Variants in ZMIZ1 observed in about 807,000 individuals in gnomAD.
The protein encoded by ZMIZ1 is zinc finger MIZ-type containing 1, also known as zinc finger MIZ domain-containing protein 1.
Under a neutral mutation model 113.9 loss-of-function variants are expected in ZMIZ1, and 17 were observed. The observed-to-expected ratio is 0.15, with a 90% CI of 0.10 to 0.22. The LOEUF (loss-of-function observed/expected upper bound fraction) is 0.22. Ranked by LOEUF, ZMIZ1 falls within the 10% of genes least tolerant of loss-of-function variation. The pLI is 1.00. For synonymous variants in ZMIZ1, 607 were observed against 603.1 expected (o/e 1.01, Z -0.09); for missense variants, 1,059 against 1,477.8 (o/e 0.72, Z 4.65).
At chr10:79,225,055 C>T (rs1849146860) in intron 7 of ZMIZ1, among the ~76,000 whole-genome samples, 1 of 152,132 alleles carries the variant, frequency 6.6e-6, no homozygotes, top group Non-Finnish European at 1.5e-5. Flanking sequence ...GCAAGGTCAG[C>T]TTGAGGTCGG....
intron 1 of ZMIZ1, among the ~76,000 whole-genome samples, chr10:79,072,869 G>C (rs1842337040): frequency 6.6e-6 from 1 of 152,232 alleles, no homozygotes; most frequent in Non-Finnish European, 1.5e-5. Context: ...TGACCTCTTA[G>C]CAGGATATAG....
rs1853544520 is a variant in ZMIZ1, at chr10:79,292,238, C to T, written c.839C>T (p.Ala280Val). ...CCGCCTGCTGACTTCACTCAGCCCGCGGCAGCCGCTGCAGCAGCGGCAGTG... is the reference window on the plus strand; with the variant it reads ...CCGCCTGCTGACTTCACTCAGCCCGTGGCAGCCGCTGCAGCAGCGGCAGTG... ...TRPPADFTQP[A>V]AAAAAAAVAA... Residue 280 changes from alanine to valine, a missense_variant, in exon 11 of 25, where the codon GCG becomes GTG. Ala to Val is a moderately conservative substitution (Grantham distance 64, BLOSUM62 0). This residue lies in a region of ZMIZ1 where 23 missense variants were observed against 73.3 expected (regional missense o/e 0.31). Coordinates refer to ENST00000334512, the MANE Select transcript of ZMIZ1 (RefSeq NM_020338.4). The T allele has an allele frequency of 1.2e-6, 2 of 1,612,146 alleles. No individual in the cohort carries two copies. Among genetic ancestry groups the T allele is most frequent in the Non-Finnish European group, 1.7e-6 (2 of 1,179,652 alleles).
intron 8 of ZMIZ1, 126 bp from the exon 9 acceptor site, chr10:79,289,649 C>A: frequency 1.2e-6 from 1 of 806,462 alleles, no homozygotes; most frequent in Non-Finnish European, 2.0e-6. Flanking sequence ...GGGTCCAGTA[C>A]CGACTCGGAT....
chr10:79,076,637 CAGCCTGGTCAA>C (rs1842484818), intron 1 of ZMIZ1, among the ~76,000 whole-genome samples: 1 of 152,172 alleles, frequency 6.6e-6, no homozygotes, highest in Non-Finnish European at 1.5e-5. Flanking sequence ...AGTTTGACAC[CAGCCTGGTCAA>C]AGTAGTGAAA....
intron 7 of ZMIZ1, among the ~76,000 whole-genome samples, chr10:79,217,493 T>C (rs1441666163): frequency 2.6e-5 from 4 of 152,216 alleles, no homozygotes; most frequent in Admixed American, 6.5e-5. Flanking sequence ...ACATTCCTTA[T>C]GGAGTCAGGA....
chr10:79,280,273 C>T (rs78649690), intron 8 of ZMIZ1, among the ~76,000 whole-genome samples: 1,525 of 151,934 alleles, frequency 0.01, 18 homozygotes, highest in Non-Finnish European at 0.017. Flanking sequence ...ACCACCATGC[C>T]GGCCTATTAT....
At chr10:79,306,450 G>A (rs975986962) in intron 22 of ZMIZ1, 106 bp downstream of exon 22, 2 of 1,501,792 alleles carry the variant, frequency 1.3e-6, no homozygotes, top group Non-Finnish European at 1.8e-6. Context: ...GGGTGTGGTT[G>A]AAGAGAGAGA....
At chr10:79,172,049 C>T (rs550582457) in intron 4 of ZMIZ1, among the ~76,000 whole-genome samples, 8 of 152,266 alleles carry the variant, frequency 5.3e-5, no homozygotes, top group African/African-American at 1.7e-4. Context: ...ACAGAGCAAC[C>T]GAGAGCTCAG....
At chr10:79,290,679 C>A in intron 9 of ZMIZ1, 1 of 643,586 alleles carries the variant, frequency 1.6e-6, no homozygotes, top group Non-Finnish European at 2.9e-6. Context: ...GGCTGCGCAG[C>A]CCCTGGGGAC....
intron 1 of ZMIZ1, among the ~76,000 whole-genome samples, chr10:79,078,989 A>AG (rs1842572327): frequency 6.6e-6 from 1 of 152,228 alleles, no homozygotes; most frequent in Non-Finnish European, 1.5e-5. Context: ...CCACCTTTCC[A>AG]GGGGAGCCTT....
intron 4 of ZMIZ1, among the ~76,000 whole-genome samples, chr10:79,173,340 G>A (rs540203859): frequency 6.6e-6 from 1 of 152,262 alleles, no homozygotes; most frequent in South Asian, 2.1e-4. Flanking sequence ...TGTATTTTAT[G>A]TGTGACCCAA....
intron 4 of ZMIZ1, among the ~76,000 whole-genome samples, chr10:79,193,255 A>G (rs1281947046): frequency 6.6e-6 from 1 of 152,230 alleles, no homozygotes; most frequent in Non-Finnish European, 1.5e-5. Context: ...TAGGTCTGCT[A>G]TTGCTACCTA....
chr10:79,300,215 T>G (rs994665499), intron 16 of ZMIZ1, among the ~76,000 whole-genome samples: 6 of 152,140 alleles, frequency 3.9e-5, no homozygotes, highest in Admixed American at 2.6e-4. Context: ...CTGGGAGGCC[T>G]CCTCTTCCTG....
chr10:79,106,297 C>T (rs577329952), intron 1 of ZMIZ1, among the ~76,000 whole-genome samples: 44 of 152,372 alleles, frequency 2.9e-4, no homozygotes, highest in Admixed American at 1.1e-3. Context: ...GCTCCACTAA[C>T]AGGGACATCA....
At chr10:79,157,116 T>C (rs1054064048) in intron 3 of ZMIZ1, among the ~76,000 whole-genome samples, 3 of 152,186 alleles carry the variant, frequency 2.0e-5, no homozygotes, top group Admixed American at 2.0e-4. Context: ...GACGTAGAGC[T>C]GCACAAGGCG....
chr10:79,091,361 C>T (rs776530720), intron 1 of ZMIZ1, among the ~76,000 whole-genome samples: 3 of 152,300 alleles, frequency 2.0e-5, no homozygotes, highest in East Asian at 1.9e-4. Flanking sequence ...TCCCCTAGCA[C>T]GGGGGCCATA....
chr10:79,195,615 C>T (rs1358832255), intron 4 of ZMIZ1, among the ~76,000 whole-genome samples: 4 of 152,220 alleles, frequency 2.6e-5, no homozygotes, highest in South Asian at 2.1e-4. Context: ...TGGCGAAGGG[C>T]GACCTCTGCT....
chr10:79,110,853 C>T (rs1463228716), intron 1 of ZMIZ1, among the ~76,000 whole-genome samples: 1 of 152,228 alleles, frequency 6.6e-6, no homozygotes, highest in Non-Finnish European at 1.5e-5. Flanking sequence ...AGGGCTTGAA[C>T]TCATGAACTT....
At chr10:79,244,210 G>A (rs1850056348) in intron 7 of ZMIZ1, among the ~76,000 whole-genome samples, 1 of 152,242 alleles carries the variant, frequency 6.6e-6, no homozygotes, top group Non-Finnish European at 1.5e-5. Context: ...CCACCATTGC[G>A]GCAGGGTGCC....
Sources: gnomAD v4.1 joint callset for allele counts (sites outside exome capture counted in the v4.1 genomes callset) on GRCh38, gnomAD v4.1.1 for gene constraint, gnomAD v4.1.1 regional missense constraint, MANE v1.5 for transcripts, NCBI Gene and HGNC (gene_info 2026-07-23, HGNC 2026-07-21) for gene names.